PXDNL: variants seen among roughly 807,000 people sequenced by gnomAD.
The protein encoded by PXDNL is probable oxidoreductase PXDNL.
In PXDNL, 145 loss-of-function variants were observed where a neutral mutation model predicts 150.8. That is an observed-to-expected ratio of 0.96 (90% CI 0.84 to 1.10). The LOEUF is 1.10. PXDNL is among the 50% of genes least tolerant of loss of function. The probability of loss-of-function intolerance (pLI) is 0.00; values close to 1 mark genes in which losing one functional copy is unlikely to be tolerated. For missense variants in PXDNL, 2,087 were observed against 1,873.9 expected, an observed-to-expected ratio of 1.11 and a Z score of -2.10; for synonymous variants, 757 against 725.7, an observed-to-expected ratio of 1.04 and a Z score of -0.69.
intron 4 of PXDNL, among the ~76,000 whole-genome samples, chr8:51,547,208 G>C (rs576806782): frequency 6.6e-6 from 1 of 152,076 alleles, no homozygotes; most frequent in Non-Finnish European, 1.5e-5. Flanking sequence ...TCTCTAGAAA[G>C]TACCACCTCC....
intron 1 of PXDNL, among the ~76,000 whole-genome samples, chr8:51,806,422 C>T (rs1442934971): frequency 6.6e-6 from 1 of 152,166 alleles, no homozygotes; most frequent in Non-Finnish European, 1.5e-5. Flanking sequence ...ATTCATTCAG[C>T]TTCCATTTGC....
intron 21 of PXDNL, among the ~76,000 whole-genome samples, chr8:51,321,899 A>G (rs1458574853): frequency 1.3e-5 from 2 of 152,198 alleles, no homozygotes; most frequent in African/African-American, 4.8e-5. Context: ...CCCAAAATTC[A>G]TAAGTTGAAG....
intron 1 of PXDNL, among the ~76,000 whole-genome samples, chr8:51,757,188 T>C (rs909722606): frequency 6.6e-6 from 1 of 152,214 alleles, no homozygotes; most frequent in South Asian, 2.1e-4. Context: ...CATGTAACAG[T>C]AGTAACAAGG....
chr8:51,729,989 AG>A (rs932593397), intron 1 of PXDNL, among the ~76,000 whole-genome samples: 1 of 152,238 alleles, frequency 6.6e-6, no homozygotes, highest in African/African-American at 2.4e-5. Flanking sequence ...GGGGAAGGAT[AG>A]GTGGAGCACA....
rs139322476 is a variant in PXDNL at position 51,611,947 on chromosome 8, G to T, written c.237-19249C>A. On this transcript the variant is annotated intron_variant, in intron 2 of 22. Transcript: ENST00000356297. ...ATGGGCAGCTCAGAGCGGGCTATGG[G>T]GTAGGGAGGAAGCCAGAGGAGCAGA... is the stretch of plus-strand genomic sequence containing the variant. Among the ~76,000 whole-genome samples, 1,303 of 152,338 alleles carry T rather than the reference G, an allele frequency of 8.6e-3. 23 individuals carry two copies. Among genetic ancestry groups the T allele is most frequent in the African/African-American group, 0.03 (1,245 of 41,578 alleles).
intron 17 of PXDNL, among the ~76,000 whole-genome samples, chr8:51,379,525 GTTT>G (rs1039739320): frequency 6.7e-6 from 1 of 149,722 alleles, no homozygotes; most frequent in African/African-American, 2.5e-5. Context: ...TTTTAATTGG[GTTT>G]TTTTTTCTTA....
At chr8:51,685,245 A>G (rs1033093834) in intron 1 of PXDNL, among the ~76,000 whole-genome samples, 1 of 152,168 alleles carries the variant, frequency 6.6e-6, no homozygotes, top group Non-Finnish European at 1.5e-5. Context: ...CATTATGCAC[A>G]GTTTTTCACC....
intron 1 of PXDNL, among the ~76,000 whole-genome samples, chr8:51,744,101 A>G (rs557823445): frequency 7.4e-6 from 1 of 135,550 alleles, no homozygotes; most frequent in Non-Finnish European, 1.6e-5. Context: ...AAGGAAAGAA[A>G]GAAAGAAAGA....
Position 51,768,395 on chromosome 8 carries a change from G to C in PXDNL, c.164+40786C>G, listed in dbSNP as rs79432930. ...GGTAAACAGCTAGTTGATAATTAAG[G>C]CTTTATATGAACAGAGTTTTATGTC... On this transcript the variant is annotated intron_variant, in intron 1 of 22. Transcript: ENST00000356297. Among the ~76,000 whole-genome samples the C allele has an allele frequency of 1.2e-3, 178 of 152,058 alleles. 1 individual carries two copies. The East Asian group carries it at 0.029, about 25-fold the overall frequency.
intron 1 of PXDNL, among the ~76,000 whole-genome samples, chr8:51,698,830 T>C (rs1319402202): frequency 6.6e-6 from 1 of 152,220 alleles, no homozygotes; most frequent in Non-Finnish European, 1.5e-5. Context: ...AAAGCAAATA[T>C]TGTATTAGCA....
At chr8:51,805,495 G>A (rs1241181117) in intron 1 of PXDNL, among the ~76,000 whole-genome samples, 6 of 149,408 alleles carry the variant, frequency 4.0e-5, no homozygotes, top group Non-Finnish European at 7.4e-5. Flanking sequence ...GAAATTGGAA[G>A]AGCTGAAGGA....
chr8:51,510,489 A>G (rs560374419), intron 4 of PXDNL, among the ~76,000 whole-genome samples: 2 of 152,352 alleles, frequency 1.3e-5, no homozygotes, highest in African/African-American at 4.8e-5. Flanking sequence ...AGAAATAGAC[A>G]CTGAGGTTGG....
chr8:51,757,909 G>T (rs181887379), intron 1 of PXDNL, among the ~76,000 whole-genome samples: 69 of 150,922 alleles, frequency 4.6e-4, no homozygotes, highest in Non-Finnish European at 7.4e-4. Context: ...GTGATCTAAA[G>T]AAATTTAAAA....
intron 16 of PXDNL, among the ~76,000 whole-genome samples, chr8:51,410,709 T>C (rs1017334726): frequency 6.6e-6 from 1 of 152,190 alleles, no homozygotes; most frequent in South Asian, 2.1e-4. Context: ...TCTGAAAGCT[T>C]TCTATATCAT....
chr8:51,370,238 G>A (rs536733722), intron 19 of PXDNL, among the ~76,000 whole-genome samples: 6 of 152,332 alleles, frequency 3.9e-5, no homozygotes, highest in Admixed American at 3.9e-4. Context: ...AGCTAGAAAT[G>A]GTATGTGTCA....
intron 17 of PXDNL, among the ~76,000 whole-genome samples, chr8:51,381,549 G>A (rs1807539745): frequency 6.6e-6 from 1 of 152,142 alleles, no homozygotes; most frequent in Admixed American, 6.5e-5. Flanking sequence ...CTATTTGGAG[G>A]TAGGATCTTT....
intron 4 of PXDNL, among the ~76,000 whole-genome samples, chr8:51,525,236 A>G (rs1811745170): frequency 6.6e-6 from 1 of 152,220 alleles, no homozygotes; most frequent in Non-Finnish European, 1.5e-5. Flanking sequence ...ATGATTTCTA[A>G]TGGCATTGTC....
chr8:51,628,115 A>C (rs909703104), intron 2 of PXDNL, among the ~76,000 whole-genome samples: 1 of 152,188 alleles, frequency 6.6e-6, no homozygotes, highest in African/African-American at 2.4e-5. Flanking sequence ...ATTGCTGTGT[A>C]CACTGGGAAA....
At chr8:51,716,065 T>C (rs1435326299) in intron 1 of PXDNL, among the ~76,000 whole-genome samples, 1 of 152,198 alleles carries the variant, frequency 6.6e-6, no homozygotes, top group South Asian at 2.1e-4. Flanking sequence ...CTCTGTATCA[T>C]GAAAAGTTAC....
Sources: allele counts gnomAD v4.1 joint callset (sites outside exome capture counted in the v4.1 genomes callset), GRCh38; gene constraint gnomAD v4.1.1; transcripts MANE v1.5; gene names NCBI Gene and HGNC (gene_info 2026-07-23, HGNC 2026-07-21).